SGCZ: variants seen among roughly 807,000 people sequenced by gnomAD.
SGCZ encodes zeta-sarcoglycan.
Under a neutral mutation model 41.3 loss-of-function variants are expected in SGCZ, and 40 were observed. The ratio of observed to expected loss-of-function variants is 0.97; its 90% CI spans 0.75 to 1.26. SGCZ has a LOEUF of 1.26. SGCZ is among the 50% of genes most tolerant of loss of function. SGCZ has a pLI of 0.00. For missense variants in SGCZ, 552 were observed against 369.8 expected (o/e 1.49, Z -4.04); for synonymous variants, 206 against 137.5 (o/e 1.50, Z -3.49).
chr8:14,683,264 C>G (rs17120037), intron 1 of SGCZ, among the ~76,000 whole-genome samples: 1 of 151,796 alleles, frequency 6.6e-6, no homozygotes, highest in South Asian at 2.1e-4. Context: ...CATTTTATAC[C>G]CAACATTTAC....
intron 1 of SGCZ, among the ~76,000 whole-genome samples, chr8:14,596,429 T>C (rs1805415960): frequency 6.6e-6 from 1 of 152,212 alleles, no homozygotes; most frequent in South Asian, 2.1e-4. Flanking sequence ...AAACATTTAA[T>C]GAGGATAATT....
At chr8:14,364,568 T>A (rs1803633382) in intron 2 of SGCZ, among the ~76,000 whole-genome samples, 1 of 152,160 alleles carries the variant, frequency 6.6e-6, no homozygotes, top group Admixed American at 6.6e-5. Flanking sequence ...CTAGGTAAAC[T>A]GCTATATCAT....
At chr8:14,178,154 A>T (rs1193897046) in intron 4 of SGCZ, among the ~76,000 whole-genome samples, 1 of 151,028 alleles carries the variant, frequency 6.6e-6, no homozygotes, top group African/African-American at 2.4e-5. Context: ...GGGTTTCACC[A>T]TGTTGGCCAG....
intron 1 of SGCZ, among the ~76,000 whole-genome samples, chr8:14,978,083 T>C (rs1213353825): frequency 2.6e-5 from 4 of 152,132 alleles, no homozygotes; most frequent in Non-Finnish European, 5.9e-5. Context: ...GTGCGTACTT[T>C]CATGTTCTCA....
chr8:14,153,010 G>A (rs73213564), intron 5 of SGCZ, among the ~76,000 whole-genome samples: 15,306 of 148,666 alleles, frequency 0.1, 890 homozygotes, highest in Middle Eastern at 0.21. Flanking sequence ...AGTGATTGTC[G>A]GGGGTTAACG....
chr8:14,092,735 A>T (rs1801726783), intron 7 of SGCZ, among the ~76,000 whole-genome samples: 1 of 151,976 alleles, frequency 6.6e-6, no homozygotes, highest in African/African-American at 2.4e-5. Context: ...TTCTGCCATG[A>T]TGGTGAGGCC....
At chr8:14,128,890 G>A (rs554742531) in intron 5 of SGCZ, among the ~76,000 whole-genome samples, 1 of 152,260 alleles carries the variant, frequency 6.6e-6, no homozygotes, top group East Asian at 1.9e-4. Flanking sequence ...TTAAATAACA[G>A]CCATACAGAG....
chr8:14,676,580 C>A (rs563607156), intron 1 of SGCZ, among the ~76,000 whole-genome samples: 2 of 152,224 alleles, frequency 1.3e-5, no homozygotes, highest in Non-Finnish European at 2.9e-5. Context: ...AATAGTCCAA[C>A]ATTATTTAAA....
At chr8:14,916,367 A>G (rs992074695) in intron 1 of SGCZ, among the ~76,000 whole-genome samples, 1 of 152,190 alleles carries the variant, frequency 6.6e-6, no homozygotes, top group Admixed American at 6.5e-5. Flanking sequence ...CACCTCAAAT[A>G]CAAAGAAATA....
intron 1 of SGCZ, among the ~76,000 whole-genome samples, chr8:14,975,307 A>G (rs1176814222): frequency 6.6e-6 from 1 of 152,086 alleles, no homozygotes; most frequent in Non-Finnish European, 1.5e-5. Context: ...CTCCAACTCA[A>G]AAGCAAAAAC....
chr8:14,110,470 C>T (rs1802338335), intron 5 of SGCZ, among the ~76,000 whole-genome samples: 1 of 152,022 alleles, frequency 6.6e-6, no homozygotes. Flanking sequence ...GAATTAAAAA[C>T]TGATAGAGGT....
chr8:14,883,131 C>T (rs545118756), intron 1 of SGCZ, among the ~76,000 whole-genome samples: 4 of 151,722 alleles, frequency 2.6e-5, no homozygotes, highest in Admixed American at 1.3e-4. Context: ...TAAACTCTTT[C>T]TCATTTCATA....
intron 4 of SGCZ, among the ~76,000 whole-genome samples, chr8:14,223,106 G>A (rs971230477): frequency 7.2e-5 from 11 of 151,760 alleles, no homozygotes; most frequent in Non-Finnish European, 1.3e-4. Context: ...CATTGCCCCC[G>A]GCCCGTCACA....
intron 1 of SGCZ, among the ~76,000 whole-genome samples, chr8:15,034,694 G>A (rs1803808679): frequency 6.6e-6 from 1 of 152,008 alleles, no homozygotes; most frequent in Admixed American, 6.6e-5. Context: ...AACCAAGAGA[G>A]GACCCTGAAA....
chr8:14,142,459 T>C (rs1231152527), intron 5 of SGCZ, among the ~76,000 whole-genome samples: 2 of 152,144 alleles, frequency 1.3e-5, no homozygotes. Flanking sequence ...CATGATGATA[T>C]ATTTGATTAC....
At chr8:14,865,806 C>A (rs527963616) in intron 1 of SGCZ, among the ~76,000 whole-genome samples, 1 of 152,148 alleles carries the variant, frequency 6.6e-6, no homozygotes, top group Admixed American at 6.6e-5. Context: ...TAAAGGAATT[C>A]TCTGGTGAAT....
chr8:15,191,860 C>G (rs1800551457), intron 1 of SGCZ, among the ~76,000 whole-genome samples: 1 of 151,886 alleles, frequency 6.6e-6, no homozygotes, highest in African/African-American at 2.4e-5. Flanking sequence ...GTAAAACAAC[C>G]CAGAAGAAAA....
At position 15,097,796 on chromosome 8, in the gene SGCZ, ACGTGTATATATATATATACG is replaced by A. The variant is rs1419776620; in HGVS notation, c.39+139769_39+139788del. Among the ~76,000 whole-genome samples the A allele has an allele frequency of 4.8e-4, 63 of 131,932 alleles. 1 individual carries two copies. Among genetic ancestry groups the A allele is most frequent in the Non-Finnish European group, 8.2e-4 (53 of 64,772 alleles). 86.6% of individuals were successfully genotyped at this position (131,932 alleles called of 152,430 possible). A position where few individuals can be genotyped will look rare whatever the true frequency, so the allele number is the denominator to read the frequency against. On this transcript the variant is annotated intron_variant, in intron 1 of 7. Transcript: ENST00000382080. ...TATATATATACGTGTATATATATAT[ACGTGTATATATATATATACG>A]TGTGTGTATATATATATACGTGTGT... is the stretch of plus-strand genomic sequence containing the variant.
intron 4 of SGCZ, among the ~76,000 whole-genome samples, chr8:14,177,161 T>A (rs183074897): frequency 6.6e-6 from 1 of 152,154 alleles, no homozygotes; most frequent in Non-Finnish European, 1.5e-5. Flanking sequence ...TTGACTTCTG[T>A]GGGTTGCCAG....
Sources: allele counts gnomAD v4.1 joint callset (sites outside exome capture counted in the v4.1 genomes callset), GRCh38; gene constraint gnomAD v4.1.1; transcripts MANE v1.5; gene names NCBI Gene and HGNC (gene_info 2026-07-23, HGNC 2026-07-21).